KIF20B: variants seen among roughly 807,000 people sequenced by gnomAD.
The protein encoded by KIF20B is kinesin family member 20B.
Under a neutral mutation model 232.5 loss-of-function variants are expected in KIF20B, and 188 were observed. The ratio of observed to expected loss-of-function variants is 0.81; its 90% CI spans 0.72 to 0.91. The LOEUF is 0.91. Among genes scored for constraint, KIF20B ranks in the 40% least tolerant of loss-of-function variants. The probability of loss-of-function intolerance (pLI) is 0.00; values close to 1 mark genes in which losing one functional copy is unlikely to be tolerated. For missense variants in KIF20B, 2,154 were observed against 2,055.9 expected, an observed-to-expected ratio of 1.05 and a Z score of -0.92; for synonymous variants, 712 against 683.0, an observed-to-expected ratio of 1.04 and a Z score of -0.66.
chr10:89,726,942 A>G (rs1196224970), intron 16 of KIF20B, among the ~76,000 whole-genome samples: 1 of 150,912 alleles, frequency 6.6e-6, no homozygotes. Context: ...AATACTTGGG[A>G]CCACAAGTGT....
chr10:89,725,803 AT>A (rs1564662774), intron 15 of KIF20B, among the ~76,000 whole-genome samples: 1 of 151,968 alleles, frequency 6.6e-6, no homozygotes, highest in African/African-American at 2.4e-5. Context: ...GCTGAAATTG[AT>A]CAGTTTTTTG....
Position 89,727,908 on chromosome 10 carries a change from A to C in KIF20B, c.2271+12A>C. On this transcript the variant is annotated intron_variant, in intron 17 of 32. Transcript: ENST00000371728. ...AGACATCTAATAAGGTAATGCTTTA[A>C]GTTTTATTTTGTCTTGATAAGGTAT... is the stretch of plus-strand genomic sequence containing the variant. 1 of 1,545,996 alleles carries C rather than the reference A, an allele frequency of 6.5e-7. No individual in the cohort carries two copies. The highest frequency in any genetic ancestry group is 8.8e-7 in the Non-Finnish European group (1 of 1,134,770).
chr10:89,719,654 T>C lies in KIF20B; in HGVS notation c.1670T>C (p.Leu557Pro). The C allele has an allele frequency of 1.2e-6, 2 of 1,611,574 alleles. No individual in the cohort carries two copies. Among genetic ancestry groups the C allele is most frequent in the South Asian group, 1.1e-5 (1 of 90,784 alleles). ...GAAACTAAACTTCTTGATGAAGATCTAGATAAAACATTAGAGGAAAATAAG... is the reference window on the plus strand; with the variant it reads ...GAAACTAAACTTCTTGATGAAGATCCAGATAAAACATTAGAGGAAAATAAG... ...NVETKLLDED[L>P]DKTLEENKAF... The change falls in exon 13 of 33, where the codon CTA becomes CCA. Residue 557 changes from leucine to proline, a missense_variant. Transcript: ENST00000371728.
Position 89,735,985 on chromosome 10 carries a change from T to C in KIF20B, c.2546-1402T>C, listed in dbSNP as rs150116815. On this transcript the variant is annotated intron_variant, in intron 19 of 32. Coordinates refer to ENST00000371728, the MANE Select transcript of KIF20B (RefSeq NM_001284259.2). ...GAATTTGATTCTTACATAGTGAGGATATCACATAAAAATACAGGTTAATTA... is the reference window on the plus strand; with the variant it reads ...GAATTTGATTCTTACATAGTGAGGACATCACATAAAAATACAGGTTAATTA... Among the ~76,000 whole-genome samples, 428 of 152,298 alleles carry C rather than the reference T, an allele frequency of 2.8e-3. 2 individuals carry two copies. The highest frequency in any genetic ancestry group is 9.6e-3 in the African/African-American group (397 of 41,562).
intron 19 of KIF20B, among the ~76,000 whole-genome samples, chr10:89,733,732 T>C (rs937256797): frequency 6.6e-6 from 1 of 152,192 alleles, no homozygotes; most frequent in Non-Finnish European, 1.5e-5. Context: ...ACAGCAGGCA[T>C]AATGCCTTAT....
intron 5 of KIF20B, among the ~76,000 whole-genome samples, chr10:89,710,626 A>G (rs1170512221): frequency 6.6e-6 from 1 of 152,186 alleles, no homozygotes; most frequent in Non-Finnish European, 1.5e-5. Context: ...CAGAAAAAGT[A>G]TTGATGTGAT....
Position 89,751,466 on chromosome 10 carries a change from C to G in KIF20B, c.4217C>G (p.Ala1406Gly), listed in dbSNP as rs1308160386. ...AAATTAGAGGAAGTTGAAAGGCTGG[C>G]CACAGGTAAAACAAGATTGCTTACA... ...EAKLEEVERL[A>G]TELEKWKEKC... is the part of the protein sequence containing the mutation. Residue 1406 changes from alanine (A) to glycine (G), a missense_variant, in exon 24 of 33, where the codon GCC becomes GGC. Ala to Gly is a moderately conservative substitution (Grantham distance 60). Coordinates refer to ENST00000371728, the MANE Select transcript of KIF20B (RefSeq NM_001284259.2). The G allele has an allele frequency of 1.9e-6, 3 of 1,601,608 alleles. No individual in the cohort carries two copies. The African/African-American group carries it at 4.0e-5, about 22-fold the overall frequency.
intron 27 of KIF20B, among the ~76,000 whole-genome samples, chr10:89,759,842 G>A (rs1211131298): frequency 6.6e-6 from 1 of 152,112 alleles, no homozygotes; most frequent in Non-Finnish European, 1.5e-5. Context: ...GTAATGGGGA[G>A]GTGACATAAG....
chr10:89,742,944 A>G lies in KIF20B; in HGVS notation c.3916-864A>G, dbSNP rs1841835152. ...TCTCGATCTCCTGACCTCGTGATCC[A>G]CTTGCCTCCGCCTCCCAGAGTGCTG... On this transcript the variant is annotated intron_variant, in intron 21 of 32. Coordinates refer to ENST00000371728, the MANE Select transcript of KIF20B (RefSeq NM_001284259.2). Among the ~76,000 whole-genome samples the G allele has an allele frequency of 3.3e-5, 5 of 151,696 alleles. No individual in the cohort carries two copies. The South Asian group carries it at 1.0e-3, about 32-fold the overall frequency.
Position 89,737,870 on chromosome 10 carries a change from G to T in KIF20B, c.3029G>T (p.Arg1010Met). ...TCAAACATAGATTTGCTCAATCTCA[G>T]GGATCTGTCAAATGGTTCTGAGGAG... ...QISNIDLLNL[R>M]DLSNGSEEDN... Residue 1010 changes from arginine to methionine, a missense_variant, in exon 20 of 33, where the codon AGG (arginine) becomes ATG (methionine). Physicochemically the swap from Arg to Met is moderately conservative, Grantham distance 91 (BLOSUM62 -1). Coordinates refer to ENST00000371728, the MANE Select transcript of KIF20B (RefSeq NM_001284259.2). The T allele has an allele frequency of 6.2e-7, 1 of 1,613,484 alleles. No individual in the cohort carries two copies. Among genetic ancestry groups the T allele is most frequent in the South Asian group, 1.1e-5 (1 of 91,040 alleles).
rs200964511 is a variant in KIF20B, at chr10:89,715,991, C to CA, written c.941-441dup. Among the ~76,000 whole-genome samples the CA allele has an allele frequency of 3.9e-3, 447 of 113,426 alleles. 3 individuals are homozygous for CA. The highest frequency in any genetic ancestry group is 0.014 in the African/African-American group (417 of 28,826). The allele number at this position is 113,426 out of a possible 152,430, so 74.4% of individuals were successfully genotyped here. On this transcript the variant is annotated intron_variant, in intron 8 of 32. Coordinates refer to ENST00000371728, the MANE Select transcript of KIF20B (RefSeq NM_001284259.2). ...GGGCAACAGAGTGAAACCTTGTCTC[C>CA]AAAATAAATAAATAAATAAATAAAT...
At position 89,726,421 on chromosome 10, in the gene KIF20B, T is replaced by G. The variant is rs770141319; in HGVS notation, c.2130T>G (p.Thr710=). 1.4e-5 allele frequency: 22 copies of G among 1,599,698 alleles called. No homozygotes were observed. The highest frequency in any genetic ancestry group is 1.9e-5 in the Non-Finnish European group (22 of 1,171,874). ...IASLPDPQEA[T]ACLELKFNQI... Reference sequence around the variant, plus strand: ...CTCTTCCTGACCCCCAGGAAGCTACTGCTTGTTTAGAACTAAAGTTTAATC... The same window carrying G: ...CTCTTCCTGACCCCCAGGAAGCTACGGCTTGTTTAGAACTAAAGTTTAATC... Residue 710 remains threonine, a synonymous_variant, in exon 16 of 33, where the codon ACT becomes ACG. Coordinates refer to ENST00000371728, the MANE Select transcript of KIF20B (RefSeq NM_001284259.2).
At chr10:89,765,910 C>A (rs922354044) in intron 29 of KIF20B, among the ~76,000 whole-genome samples, 1 of 152,106 alleles carries the variant, frequency 6.6e-6, no homozygotes, top group Non-Finnish European at 1.5e-5. Context: ...GGTAACCCGA[C>A]CTTTCTCTTT....
Position 89,704,880 on chromosome 10 carries a change from A to G in KIF20B, c.-1-414A>G, listed in dbSNP as rs547164587. Among the ~76,000 whole-genome samples, 10 of 152,352 alleles carry G rather than the reference A, an allele frequency of 6.6e-5. No individual in the cohort carries two copies. In the South Asian group the frequency reaches 2.1e-3, roughly 32 times the overall value. Reference sequence around the variant, plus strand: ...CCCAGATAACTGAGTTTTAACTTTTAAATGCTAAAACAAAGTCTGTAAGTA... The same window carrying G: ...CCCAGATAACTGAGTTTTAACTTTTGAATGCTAAAACAAAGTCTGTAAGTA... On this transcript the variant is annotated intron_variant, in intron 1 of 32. Coordinates refer to ENST00000371728, the MANE Select transcript of KIF20B (RefSeq NM_001284259.2).
intron 1 of KIF20B, among the ~76,000 whole-genome samples, chr10:89,703,432 A>G (rs1208441768): frequency 6.6e-6 from 1 of 152,110 alleles, no homozygotes; most frequent in East Asian, 1.9e-4. Context: ...CCTTTTCTAG[A>G]CCAGGGTGAG....
intron 18 of KIF20B, among the ~76,000 whole-genome samples, chr10:89,730,505 T>C (rs1197441769): frequency 6.6e-6 from 1 of 152,066 alleles, no homozygotes; most frequent in Admixed American, 6.6e-5. Flanking sequence ...TTTGTGGAGA[T>C]GAAAATGATT....
In KIF20B at chr10:89,774,512, G is replaced by A. The variant is rs1842529873; in HGVS notation, c.*464G>A. 6.6e-6 allele frequency: 1 copy of A among 151,992 alleles called. No homozygotes were observed. The highest frequency in any genetic ancestry group is 2.4e-5 in the African/African-American group (1 of 41,428). The allele number at this position is 151,992 out of a possible 1,614,324, so 9.4% of individuals were successfully genotyped here. On this transcript the variant is annotated 3_prime_UTR_variant, in exon 33 of 33. Transcript: ENST00000371728. ...ATACATTATTTAGAAAAGATCTCAA[G>A]TCTTTAATTAGAATGTCTCACTTAT...
chr10:89,773,292 G>GA (rs1396200715), intron 32 of KIF20B, among the ~76,000 whole-genome samples: 1 of 151,934 alleles, frequency 6.6e-6, no homozygotes, highest in African/African-American at 2.4e-5. Flanking sequence ...TCCTGATTCA[G>GA]AACAGTATGT....
At chr10:89,761,539 C>T (rs971141987) in intron 28 of KIF20B, among the ~76,000 whole-genome samples, 4 of 151,968 alleles carry the variant, frequency 2.6e-5, no homozygotes, top group Admixed American at 1.3e-4. Flanking sequence ...CTTGAACTCC[C>T]AGGCTCAAGC....
Sources: allele counts gnomAD v4.1 joint callset (sites outside exome capture counted in the v4.1 genomes callset), GRCh38; gene constraint gnomAD v4.1.1; transcripts MANE v1.5; gene names NCBI Gene and HGNC (gene_info 2026-07-23, HGNC 2026-07-21).